PRRG1: variants seen among roughly 807,000 people sequenced by gnomAD.
PRRG1 encodes proline rich and Gla domain 1, also known as transmembrane gamma-carboxyglutamic acid protein 1.
A neutral mutation model predicts 11.8 loss-of-function variants in PRRG1; 5 were observed. The observed-to-expected ratio is 0.42, with a 90% CI of 0.22 to 0.89. The LOEUF is 0.89. Ranked by LOEUF, PRRG1 falls within the 40% of genes least tolerant of loss-of-function variation. The pLI, the probability that PRRG1 is intolerant of heterozygous loss-of-function variation, is 0.28. For missense variants in PRRG1, 155 were observed against 166.1 expected (o/e 0.93, Z 0.37); for synonymous variants, 66 against 60.4 (o/e 1.09, Z -0.43).
intron 3 of PRRG1, among the ~76,000 whole-genome samples, chrX:37,444,296 A>G (rs1459951611): frequency 9.0e-6 from 1 of 111,495 alleles, no homozygotes; most frequent in African/African-American, 3.3e-5. Context: ...TCTTTTTGTG[A>G]GTGTTTACAT....
At chrX:37,349,633 A>G (rs1257472477) in intron 1 of PRRG1, among the ~76,000 whole-genome samples, 2 of 110,649 alleles carry the variant, frequency 1.8e-5, no homozygotes, top group African/African-American at 3.3e-5. Flanking sequence ...AAATTGAAGG[A>G]ATGGGGTTTA....
At chrX:37,393,362 A>G (rs1931606632) in intron 1 of PRRG1, among the ~76,000 whole-genome samples, 2 of 109,500 alleles carry the variant, frequency 1.8e-5, no homozygotes, top group African/African-American at 6.6e-5. Context: ...ATAAATTTAC[A>G]TATATCTATA....
chrX:37,450,193 G>A (rs1229855230), intron 3 of PRRG1, among the ~76,000 whole-genome samples: 8 of 112,029 alleles, frequency 7.1e-5, no homozygotes, highest in Non-Finnish European at 1.5e-4. Flanking sequence ...ATTGCTTGTT[G>A]GTTTGCTCTG....
At chrX:37,437,708 A>G (rs1012461520) in intron 3 of PRRG1, among the ~76,000 whole-genome samples, 1 of 111,538 alleles carries the variant, frequency 9.0e-6, no homozygotes, top group Non-Finnish European at 1.9e-5. Flanking sequence ...TAAGGCATCT[A>G]TTTTTCCATC....
At chrX:37,408,212 GAC>G (rs1932242662) in intron 2 of PRRG1, among the ~76,000 whole-genome samples, 1 of 111,400 alleles carries the variant, frequency 9.0e-6, no homozygotes, top group South Asian at 3.8e-4. Context: ...TAGATAAAAC[GAC>G]ACAGATACAC....
chrX:37,368,123 A>G (rs1392796789), intron 1 of PRRG1, among the ~76,000 whole-genome samples: 1 of 112,074 alleles, frequency 8.9e-6, no homozygotes, highest in African/African-American at 3.2e-5. Context: ...TGGTAAGTAC[A>G]TCACATGCCC....
chrX:37,421,904 C>A (rs1223727346), intron 2 of PRRG1, among the ~76,000 whole-genome samples: 2 of 111,915 alleles, frequency 1.8e-5, no homozygotes, highest in African/African-American at 6.5e-5. Flanking sequence ...TAAGTGATAT[C>A]TTCTAATGGA....
intron 2 of PRRG1, among the ~76,000 whole-genome samples, chrX:37,422,115 T>G (rs1250143874): frequency 8.9e-6 from 1 of 112,157 alleles, no homozygotes; most frequent in Non-Finnish European, 1.9e-5. Flanking sequence ...ATTAGACTGC[T>G]TTCTGGTTAC....
intron 1 of PRRG1, among the ~76,000 whole-genome samples, chrX:37,393,142 TC>T (rs1556377181): frequency 9.0e-6 from 1 of 111,103 alleles, no homozygotes; most frequent in Non-Finnish European, 1.9e-5. Flanking sequence ...AGGAGGTATC[TC>T]TGAATTTCAG....
chrX:37,432,224 A>T (rs1932836482), intron 3 of PRRG1, among the ~76,000 whole-genome samples: 2 of 110,013 alleles, frequency 1.8e-5, no homozygotes, highest in South Asian at 7.8e-4. Context: ...AGTAGCTGGG[A>T]CTACAGACGC....
At chrX:37,383,584 A>G (rs782527535) in intron 1 of PRRG1, among the ~76,000 whole-genome samples, 4 of 111,200 alleles carry the variant, frequency 3.6e-5, no homozygotes, top group African/African-American at 9.8e-5. Context: ...CCCATATGCT[A>G]TTTGCAATGA....
chrX:37,402,675 C>G (rs1334979137), intron 1 of PRRG1, among the ~76,000 whole-genome samples: 5 of 111,747 alleles, frequency 4.5e-5, no homozygotes, highest in Non-Finnish European at 9.4e-5. Flanking sequence ...GCAACAGAAA[C>G]TACCATCAGA....
intron 1 of PRRG1, among the ~76,000 whole-genome samples, chrX:37,384,636 T>C (rs1284945227): frequency 1.8e-5 from 2 of 111,686 alleles, no homozygotes; most frequent in African/African-American, 3.3e-5. Context: ...CAAAAATTGA[T>C]GTATGTTTAA....
At chrX:37,382,307 C>T (rs1221775696) in intron 1 of PRRG1, among the ~76,000 whole-genome samples, 1 of 111,200 alleles carries the variant, frequency 9.0e-6, no homozygotes, top group Non-Finnish European at 1.9e-5. Flanking sequence ...GTAGTATGCA[C>T]GTGCTTGCCC....
intron 1 of PRRG1, among the ~76,000 whole-genome samples, chrX:37,396,929 G>A (rs1556378353): frequency 8.9e-6 from 1 of 111,972 alleles, no homozygotes; most frequent in Non-Finnish European, 1.9e-5. Flanking sequence ...CTCTCCAGTT[G>A]TGACAAACAA....
intron 2 of PRRG1, among the ~76,000 whole-genome samples, chrX:37,417,420 G>A (rs1373740097): frequency 3.6e-5 from 4 of 110,929 alleles, no homozygotes; most frequent in Non-Finnish European, 7.6e-5. Context: ...GCAAAAACTG[G>A]TTGGGCACAT....
intron 3 of PRRG1, among the ~76,000 whole-genome samples, chrX:37,438,032 A>AC (rs1241556081): frequency 9.1e-6 from 1 of 109,754 alleles, no homozygotes; most frequent in South Asian, 4.0e-4. Flanking sequence ...ACATGGTAAA[A>AC]CCCCATCTCT....
At chrX:37,397,208 AT>A (rs1556378466) in intron 1 of PRRG1, among the ~76,000 whole-genome samples, 1 of 112,532 alleles carries the variant, frequency 8.9e-6, no homozygotes, top group Non-Finnish European at 1.9e-5. Flanking sequence ...TGACAAACCC[AT>A]GTTTTTGCCT....
intron 1 of PRRG1, among the ~76,000 whole-genome samples, chrX:37,388,624 G>A (rs917563176): frequency 6.2e-5 from 7 of 113,273 alleles, no homozygotes; most frequent in East Asian, 2.8e-4. Flanking sequence ...AGTGTCCCCC[G>A]GCTGCACAGG....
Sources: gnomAD v4.1 joint callset for allele counts (sites outside exome capture counted in the v4.1 genomes callset) on GRCh38, gnomAD v4.1.1 for gene constraint, MANE v1.5 for transcripts, NCBI Gene and HGNC (gene_info 2026-07-23, HGNC 2026-07-21) for gene names.